Variants in FRMD4A observed in about 807,000 individuals in gnomAD.
FRMD4A encodes FERM domain-containing protein 4A.
FRMD4A carries 29 observed loss-of-function variants against 129.1 expected under a neutral mutation model. The ratio of observed to expected loss-of-function variants is 0.22; its 90% CI spans 0.17 to 0.31. FRMD4A has a LOEUF of 0.31. FRMD4A is among the 10% of genes least tolerant of loss of function. FRMD4A has a pLI of 1.00. For synonymous variants in FRMD4A, 634 were observed against 571.6 expected, an observed-to-expected ratio of 1.11 and a Z score of -1.56; for missense variants, 1,272 against 1,375.8, an observed-to-expected ratio of 0.92 and a Z score of 1.19.
intron 2 of FRMD4A, among the ~76,000 whole-genome samples, chr10:14,300,147 G>T (rs1846137676): frequency 6.6e-6 from 1 of 152,010 alleles, no homozygotes. Context: ...TTTCCAAGTG[G>T]AATGTATTTC....
At chr10:13,793,597 T>G (rs551639514) in intron 5 of FRMD4A, among the ~76,000 whole-genome samples, 2 of 152,278 alleles carry the variant, frequency 1.3e-5, no homozygotes, top group East Asian at 3.9e-4. Context: ...GGAGTCAGGC[T>G]GCGTCAAGAT....
intron 2 of FRMD4A, among the ~76,000 whole-genome samples, chr10:13,982,496 G>C: frequency 7.9e-6 from 1 of 127,372 alleles, no homozygotes; most frequent in African/African-American, 3.3e-5. Flanking sequence ...GAGGGGAGGG[G>C]AGGGGGGGGA....
At chr10:13,946,201 C>G (rs1230130731) in intron 2 of FRMD4A, among the ~76,000 whole-genome samples, 1 of 152,186 alleles carries the variant, frequency 6.6e-6, no homozygotes, top group African/African-American at 2.4e-5. Context: ...TCTTCCTGCA[C>G]CTCAGAGCTA....
At chr10:13,939,990 T>C (rs980483174) in intron 2 of FRMD4A, among the ~76,000 whole-genome samples, 3 of 152,140 alleles carry the variant, frequency 2.0e-5, no homozygotes, top group Non-Finnish European at 4.4e-5. Flanking sequence ...GCTCTTTGAT[T>C]GAAATAAATG....
intron 2 of FRMD4A, among the ~76,000 whole-genome samples, chr10:13,963,492 A>G (rs947537963): frequency 6.6e-5 from 10 of 152,188 alleles, no homozygotes; most frequent in Non-Finnish European, 1.5e-4. Context: ...GGTAGAATCC[A>G]TCAGTCCAAG....
chr10:13,670,131 A>G (rs2083395841), intron 17 of FRMD4A, among the ~76,000 whole-genome samples: 1 of 152,162 alleles, frequency 6.6e-6, no homozygotes, highest in South Asian at 2.1e-4. Flanking sequence ...TGCTACTGGA[A>G]TGTTTTCCCC....
At chr10:13,921,542 T>C (rs866566267) in intron 2 of FRMD4A, among the ~76,000 whole-genome samples, 2 of 152,224 alleles carry the variant, frequency 1.3e-5, no homozygotes, top group Non-Finnish European at 2.9e-5. Flanking sequence ...ATTATAGGCA[T>C]GAGCCACCAT....
intron 15 of FRMD4A, among the ~76,000 whole-genome samples, chr10:13,689,939 C>G (rs547014071): frequency 6.6e-6 from 1 of 152,218 alleles, no homozygotes; most frequent in Non-Finnish European, 1.5e-5. Context: ...AATAACTGTG[C>G]ATCAAACACC....
intron 14 of FRMD4A, among the ~76,000 whole-genome samples, chr10:13,694,945 C>CAATG (rs2086073710): frequency 1.3e-5 from 2 of 152,070 alleles, no homozygotes; most frequent in Admixed American, 1.3e-4. Flanking sequence ...GGGGTCCCAC[C>CAATG]AACGAACGTC....
intron 6 of FRMD4A, among the ~76,000 whole-genome samples, chr10:13,768,234 A>G (rs899339494): frequency 1.3e-5 from 2 of 152,168 alleles, no homozygotes; most frequent in Non-Finnish European, 2.9e-5. Context: ...GCCTAACAAT[A>G]TTCTCAGAAA....
intron 2 of FRMD4A, among the ~76,000 whole-genome samples, chr10:14,231,587 C>G (rs1311874453): frequency 6.6e-6 from 1 of 152,182 alleles, no homozygotes; most frequent in African/African-American, 2.4e-5. Context: ...ACCTTTTGAT[C>G]CGCCCATCTT....
At chr10:13,990,913 TAAAC>T (rs934833863) in intron 2 of FRMD4A, among the ~76,000 whole-genome samples, 4 of 151,894 alleles carry the variant, frequency 2.6e-5, no homozygotes, top group African/African-American at 7.3e-5. Context: ...TCTTGAAAAT[TAAAC>T]AAATCAAAAA....
rs11592700 is a variant in FRMD4A, at chr10:13,769,557, A to C, written c.385-6877T>G. Among the ~76,000 whole-genome samples, 58 of 151,934 alleles carry C rather than the reference A, an allele frequency of 3.8e-4. No individual in the cohort carries two copies. In the East Asian group the frequency reaches 9.9e-3, roughly 26 times the overall value. On this transcript the variant is annotated intron_variant, in intron 6 of 24. Coordinates refer to ENST00000357447, the MANE Select transcript of FRMD4A (RefSeq NM_018027.5). The stretch of plus-strand genomic sequence containing the variant: ...ACTCCTGGGCTCAAGTGATCCACCC[A>C]CCTCGGCCTCCCAAAGTGCTGGGAT...
intron 2 of FRMD4A, among the ~76,000 whole-genome samples, chr10:13,903,706 TA>T (rs140275457): frequency 4.5e-4 from 68 of 149,964 alleles, no homozygotes; most frequent in African/African-American, 1.6e-3. Flanking sequence ...ACCCCATCTC[TA>T]AAAAAATAAA....
At chr10:13,780,500 C>T (rs1365469399) in intron 6 of FRMD4A, among the ~76,000 whole-genome samples, 8 of 152,054 alleles carry the variant, frequency 5.3e-5, no homozygotes, top group African/African-American at 1.5e-4. Context: ...AAGGGGCTGT[C>T]GCTCTCAATT....
intron 2 of FRMD4A, among the ~76,000 whole-genome samples, chr10:13,949,319 G>GA (rs1448150450): frequency 1.6e-5 from 2 of 125,454 alleles, no homozygotes; most frequent in Admixed American, 8.1e-5. Context: ...AAAAAAAAAA[G>GA]AAAGAAAGAA....
intron 12 of FRMD4A, among the ~76,000 whole-genome samples, chr10:13,709,922 C>T (rs756925735): frequency 1.3e-4 from 20 of 151,720 alleles, no homozygotes; most frequent in Admixed American, 1.1e-3. Flanking sequence ...GGGGAACAGG[C>T]GGTATTTGGT....
intron 15 of FRMD4A, chr10:13,684,853 G>T (rs112551889): frequency 1.0e-6 from 1 of 979,242 alleles, no homozygotes; most frequent in East Asian, 1.1e-4. Context: ...ATGACAATCC[G>T]TCTCTTTAGA....
At chr10:14,230,760 C>A (rs1029328232) in intron 2 of FRMD4A, among the ~76,000 whole-genome samples, 2 of 152,144 alleles carry the variant, frequency 1.3e-5, no homozygotes, top group East Asian at 1.9e-4. Flanking sequence ...CGATAGGTAG[C>A]TTTTCCGTTG....
Sources: gnomAD v4.1 joint callset for allele counts (sites outside exome capture counted in the v4.1 genomes callset) on GRCh38, gnomAD v4.1.1 for gene constraint, MANE v1.5 for transcripts, NCBI Gene and HGNC (gene_info 2026-07-23, HGNC 2026-07-21) for gene names.